The following RARB variants were observed in gnomAD, a reference collection of about 807,000 sequenced individuals.
RARB encodes retinoic acid receptor beta, also known as HBV-activated protein.
RARB carries 17 observed loss-of-function variants against 51.9 expected under a neutral mutation model. The ratio of observed to expected loss-of-function variants is 0.33; its 90% CI spans 0.22 to 0.49. The LOEUF (loss-of-function observed/expected upper bound fraction) is 0.49, where lower values mean the gene tolerates loss of function less well. Among genes scored for constraint, RARB ranks in the 20% least tolerant of loss-of-function variants. RARB has a pLI of 0.99. For missense variants in RARB, 369 were observed against 550.8 expected (o/e 0.67, Z 3.30); for synonymous variants, 215 against 195.4 (o/e 1.10, Z -0.84).
intron 2 of RARB, among the ~76,000 whole-genome samples, chr3:24,873,447 C>T (rs191671169): frequency 1.6e-3 from 245 of 152,026 alleles, no homozygotes; most frequent in African/African-American, 5.6e-3. Context: ...GTCTTTTATC[C>T]TAAACATTAA....
chr3:25,189,031 T>C (rs1559498083), intron 5 of RARB, among the ~76,000 whole-genome samples: 1 of 152,176 alleles, frequency 6.6e-6, no homozygotes, highest in African/African-American at 2.4e-5. Flanking sequence ...CAAAGTCATA[T>C]AGTTGACAGA....
At chr3:25,208,150 A>T (rs1271304452) in intron 5 of RARB, among the ~76,000 whole-genome samples, 1 of 152,120 alleles carries the variant, frequency 6.6e-6, no homozygotes, top group Admixed American at 6.5e-5. Context: ...TGCCCACATG[A>T]TCCAATCACC....
At chr3:25,197,415 A>C (rs1701272220) in intron 5 of RARB, among the ~76,000 whole-genome samples, 1 of 152,080 alleles carries the variant, frequency 6.6e-6, no homozygotes, top group African/African-American at 2.4e-5. Flanking sequence ...GTTCTGTTCC[A>C]TTCGTCTACG....
chr3:25,301,734 T>A (rs1402126330), intron 5 of RARB, among the ~76,000 whole-genome samples: 1 of 152,186 alleles, frequency 6.6e-6, no homozygotes, highest in Non-Finnish European at 1.5e-5. Context: ...CCCTAACATC[T>A]GAGGCTCTTG....
chr3:25,100,541 T>C (rs1699380536), intron 3 of RARB, among the ~76,000 whole-genome samples: 5 of 152,204 alleles, frequency 3.3e-5, no homozygotes, highest in Admixed American at 3.3e-4. Context: ...TAAGAATACA[T>C]GTATCATTCG....
chr3:24,904,924 A>G (rs1694822461), intron 2 of RARB, among the ~76,000 whole-genome samples: 1 of 152,206 alleles, frequency 6.6e-6, no homozygotes, highest in South Asian at 2.1e-4. Context: ...AAAAAACCAA[A>G]CACTGCGTGT....
chr3:24,850,335 C>T (rs980017180), intron 1 of RARB, among the ~76,000 whole-genome samples: 4 of 152,180 alleles, frequency 2.6e-5, no homozygotes, highest in Admixed American at 2.6e-4. Context: ...TGAGAGAGTT[C>T]CTACGGTCTG....
At chr3:25,023,570 G>T (rs1252285297) in intron 2 of RARB, among the ~76,000 whole-genome samples, 2 of 152,134 alleles carry the variant, frequency 1.3e-5, no homozygotes, top group Non-Finnish European at 2.9e-5. Context: ...TATCCTTCCT[G>T]TGTACCAATC....
chr3:25,078,624 C>T (rs1222314726), intron 3 of RARB, among the ~76,000 whole-genome samples: 2 of 151,836 alleles, frequency 1.3e-5, no homozygotes, highest in Admixed American at 6.6e-5. Flanking sequence ...ACAACCTCCA[C>T]CTCCCATGTT....
intron 2 of RARB, among the ~76,000 whole-genome samples, chr3:24,929,385 C>T (rs1323706801): frequency 6.6e-6 from 1 of 152,000 alleles, no homozygotes; most frequent in African/African-American, 2.4e-5. Context: ...TGAGAGTAAG[C>T]AGAAAAGTGA....
intron 3 of RARB, among the ~76,000 whole-genome samples, chr3:25,099,749 G>A (rs1393132807): frequency 2.6e-5 from 4 of 151,806 alleles, no homozygotes; most frequent in Non-Finnish European, 5.9e-5. Flanking sequence ...GTCCTTTTTC[G>A]GTTTTCCGAG....
chr3:24,993,399 T>C (rs1202370925), intron 2 of RARB, among the ~76,000 whole-genome samples: 1 of 152,080 alleles, frequency 6.6e-6, no homozygotes, highest in Non-Finnish European at 1.5e-5. Flanking sequence ...ATGGTTTAAA[T>C]TTTCAAAGTC....
chr3:24,988,518 A>G (rs886761826), intron 2 of RARB, among the ~76,000 whole-genome samples: 21 of 152,196 alleles, frequency 1.4e-4, no homozygotes, highest in African/African-American at 4.6e-4. Flanking sequence ...TGCTCCCCAG[A>G]TAAGTAAACA....
intron 2 of RARB, among the ~76,000 whole-genome samples, chr3:24,958,422 G>T (rs181501273): frequency 6.6e-6 from 1 of 151,840 alleles, no homozygotes. Context: ...GTTCCCAGAC[G>T]TCTGCCAAAG....
intron 5 of RARB, among the ~76,000 whole-genome samples, chr3:25,316,852 T>C (rs1704437090): frequency 1.3e-5 from 2 of 152,198 alleles, no homozygotes; most frequent in African/African-American, 4.8e-5. Flanking sequence ...AGAAAATGAT[T>C]TAAGTCCTAA....
intron 2 of RARB, among the ~76,000 whole-genome samples, chr3:24,900,730 T>A (rs1412075836): frequency 6.6e-6 from 1 of 152,196 alleles, no homozygotes; most frequent in Non-Finnish European, 1.5e-5. Flanking sequence ...TAGGCACAAC[T>A]TTACTTCTTA....
chr3:24,888,969 A>G (rs918603403), intron 2 of RARB, among the ~76,000 whole-genome samples: 1 of 152,172 alleles, frequency 6.6e-6, no homozygotes, highest in Non-Finnish European at 1.5e-5. Flanking sequence ...CTGTCAGACT[A>G]ATTTCCTTTT....
At chr3:25,250,391 G>T (rs911601912) in intron 5 of RARB, among the ~76,000 whole-genome samples, 2 of 152,166 alleles carry the variant, frequency 1.3e-5, no homozygotes, top group Non-Finnish European at 2.9e-5. Context: ...GGGCAGCAGT[G>T]GTTGTGCTGC....
At chr3:25,271,300 A>T (rs1172429829) in intron 5 of RARB, among the ~76,000 whole-genome samples, 2 of 152,198 alleles carry the variant, frequency 1.3e-5, no homozygotes, top group African/African-American at 4.8e-5. Context: ...ATGGTTTTTC[A>T]TATAAATAAT....
Sources: allele counts gnomAD v4.1 joint callset (sites outside exome capture counted in the v4.1 genomes callset), GRCh38; gene constraint gnomAD v4.1.1; transcripts MANE v1.5; gene names NCBI Gene and HGNC (gene_info 2026-07-23, HGNC 2026-07-21).